Variants in IQGAP1 observed in about 807,000 individuals in gnomAD.
IQGAP1 encodes IQ motif containing GTPase activating protein 1.
A neutral mutation model predicts 215.6 loss-of-function variants in IQGAP1; 66 were observed. The ratio of observed to expected loss-of-function variants is 0.31; its 90% CI spans 0.25 to 0.38. The LOEUF (loss-of-function observed/expected upper bound fraction) is 0.38, where lower values mean the gene tolerates loss of function less well. Among genes scored for constraint, IQGAP1 ranks in the 10% least tolerant of loss-of-function variants. The probability of loss-of-function intolerance (pLI) is 1.00; values close to 1 mark genes in which losing one functional copy is unlikely to be tolerated. For missense variants in IQGAP1, 1,712 were observed against 1,997.1 expected (o/e 0.86, Z 2.72); for synonymous variants, 772 against 728.7 (o/e 1.06, Z -0.96).
intron 2 of IQGAP1, among the ~76,000 whole-genome samples, chr15:90,394,402 G>T (rs1333699465): frequency 1.3e-5 from 2 of 152,226 alleles, no homozygotes; most frequent in African/African-American, 4.8e-5. Context: ...GAGGACAAAG[G>T]AAAGAAGCCT....
At chr15:90,493,333 T>C (rs1966231529) in intron 35 of IQGAP1, among the ~76,000 whole-genome samples, 1 of 152,108 alleles carries the variant, frequency 6.6e-6, no homozygotes, top group African/African-American at 2.4e-5. Flanking sequence ...TTATACAAAT[T>C]TGGGTCCCCT....
At position 90,473,927 on chromosome 15, in the gene IQGAP1, G is replaced by A. The variant is rs199859960; in HGVS notation, c.2465G>A (p.Arg822Gln). The A allele has an allele frequency of 3.0e-5, 48 of 1,613,934 alleles. 1 individual carries two copies. Among genetic ancestry groups the A allele is most frequent in the Admixed American group, 5.0e-5 (3 of 59,992 alleles). The stretch of plus-strand genomic sequence containing the variant: ...TCCCTGGCAAGGATGCACCAAGCTC[G>A]AAAGCGCTATCGAGATCGCCTGCAG... ...IQSLARMHQA[R>Q]KRYRDRLQYF... The change falls in exon 21 of 38, where the codon CGA becomes CAA. Residue 822 changes from arginine (R) to glutamine (Q), a missense_variant. Physicochemically the swap from Arg to Gln is conservative, Grantham distance 43. Transcript: ENST00000268182.
rs1339327282 is a variant in IQGAP1, at chr15:90,433,749, G to A, written c.421G>A (p.Asp141Asn). 1 of 1,607,768 alleles carries A rather than the reference G, an allele frequency of 6.2e-7. No individual in the cohort carries two copies. The change falls in exon 5 of 38, where the codon GAT (aspartate) becomes AAT (asparagine). Residue 141 changes from aspartate to asparagine, a missense_variant. Coordinates refer to ENST00000268182, the MANE Select transcript of IQGAP1 (RefSeq NM_003870.4). The stretch of plus-strand genomic sequence containing the variant: ...TTACCCAGAAACTACAGATATCTAT[G>A]ATCGAAAGAACATGCCAAGATGTAT... ...IFYPETTDIY[D>N]RKNMPRCIYC... is the part of the protein sequence containing the mutation.
At chr15:90,428,051 G>GT (rs1007008516) in intron 3 of IQGAP1, among the ~76,000 whole-genome samples, 7 of 151,836 alleles carry the variant, frequency 4.6e-5, no homozygotes, top group Non-Finnish European at 7.4e-5. Flanking sequence ...TGTTCAGTGG[G>GT]TTTTTTTTGT....
intron 6 of IQGAP1, among the ~76,000 whole-genome samples, chr15:90,439,628 T>C (rs1965421099): frequency 6.6e-6 from 1 of 151,432 alleles, no homozygotes; most frequent in African/African-American, 2.5e-5. Flanking sequence ...GTCTCAGTTT[T>C]CTTATATGTA....
chr15:90,417,251 C>G (rs1462847871), intron 2 of IQGAP1, among the ~76,000 whole-genome samples: 1 of 152,180 alleles, frequency 6.6e-6, no homozygotes, highest in African/African-American at 2.4e-5. Flanking sequence ...GTTGCCATTG[C>G]TTTTGGTGTT....
intron 18 of IQGAP1, among the ~76,000 whole-genome samples, chr15:90,472,471 T>C (rs116010067): frequency 0.012 from 1,784 of 152,140 alleles, 36 homozygotes; most frequent in African/African-American, 0.04. Flanking sequence ...ATTCTAGGGG[T>C]CCCTCGGTAC....
intron 36 of IQGAP1, among the ~76,000 whole-genome samples, chr15:90,495,734 T>G (rs1168631482): frequency 6.7e-6 from 1 of 148,960 alleles, no homozygotes; most frequent in Non-Finnish European, 1.5e-5. Context: ...GCCTCCCAGG[T>G]TCAAGCAATT....
intron 15 of IQGAP1, among the ~76,000 whole-genome samples, chr15:90,458,728 T>A (rs898696800): frequency 6.6e-6 from 1 of 152,202 alleles, no homozygotes; most frequent in African/African-American, 2.4e-5. Context: ...GCCAACTACT[T>A]CTTATCCGAG....
At chr15:90,435,686 G>T (rs776514824) in intron 5 of IQGAP1, among the ~76,000 whole-genome samples, 2 of 152,148 alleles carry the variant, frequency 1.3e-5, no homozygotes, top group Non-Finnish European at 2.9e-5. Context: ...TGGGTTCCAG[G>T]CCCTCAAATT....
intron 4 of IQGAP1, 41 bp from the exon 5 acceptor site, chr15:90,433,678 G>T (rs1965332558): frequency 1.7e-6 from 2 of 1,187,126 alleles, no homozygotes; most frequent in Non-Finnish European, 2.5e-6. Flanking sequence ...GATGAACACA[G>T]TGAATGGATA....
chr15:90,474,350 C>T, intron 22 of IQGAP1, 135 bp from the exon 23 acceptor site: 1 of 808,032 alleles, frequency 1.2e-6, no homozygotes, highest in Non-Finnish European at 2.1e-6. Flanking sequence ...ACACAGAAGA[C>T]TGCACCTGAT....
At chr15:90,389,895 C>T (rs1307699831) in intron 1 of IQGAP1, among the ~76,000 whole-genome samples, 3 of 148,380 alleles carry the variant, frequency 2.0e-5, no homozygotes, top group Non-Finnish European at 4.4e-5. Context: ...GTCGAGGCTG[C>T]AGTAAGCCAT....
chr15:90,430,621 C>G (rs1567123833), intron 4 of IQGAP1, among the ~76,000 whole-genome samples: 2 of 152,006 alleles, frequency 1.3e-5, no homozygotes, highest in Admixed American at 6.6e-5. Context: ...AAGATCAGAT[C>G]ACTATTTTTG....
At chr15:90,453,353 T>C (rs1185323841) in intron 13 of IQGAP1, 61 bp downstream of exon 13, 40 of 1,308,032 alleles carry the variant, frequency 3.1e-5, no homozygotes, top group Non-Finnish European at 4.0e-5. Flanking sequence ...GTCTTTTGTA[T>C]GTCAGTGCTC....
chr15:90,426,027 A>T lies in IQGAP1; in HGVS notation c.156-83A>T, dbSNP rs1965216495. The T allele has an allele frequency of 3.8e-6, 5 of 1,332,554 alleles. No homozygotes were observed. In the East Asian group the frequency reaches 9.8e-5, roughly 26 times the overall value. 82.5% of individuals were successfully genotyped at this position (1,332,554 alleles called of 1,614,324 possible). ...ATGTTCAGTTTAAGCTTCTCCAAGG[A>T]GAATGGAAATAAAGCTTAAAATCTC... On this transcript the variant is annotated intron_variant, in intron 2 of 37. Transcript: ENST00000268182.
At position 90,448,622 on chromosome 15, in the gene IQGAP1, A is replaced by G. The variant is rs1965557183; in HGVS notation, c.963A>G (p.Ala321=). Reference sequence around the variant, plus strand: ...ACCTGGCTTTAGAACAAGGAGATGCACTGGCCTTGTTCAGGGCTCTGCAGT... The same window carrying G: ...ACCTGGCTTTAGAACAAGGAGATGCGCTGGCCTTGTTCAGGGCTCTGCAGT... ...NIDLALEQGD[A]LALFRALQSP... The change falls in exon 10 of 38, where the codon GCA becomes GCG. Residue 321 remains alanine, a synonymous_variant. Transcript: ENST00000268182. 2.5e-6 allele frequency: 4 copies of G among 1,608,068 alleles called. No individual in the cohort carries two copies. The highest frequency in any genetic ancestry group is 2.2e-5 in the East Asian group (1 of 44,508).
In IQGAP1 at chr15:90,388,275, G is replaced by T; in HGVS notation, c.-67G>T. 2 of 1,558,304 alleles carry T rather than the reference G, an allele frequency of 1.3e-6. No individual in the cohort carries two copies. The highest frequency in any genetic ancestry group is 8.7e-7 in the Non-Finnish European group (1 of 1,145,068). ...CAAGCCCGCGCACTTGGCAGGAGCT[G>T]TAGCTACCGCCGTCCGCGCCTCCAA... On this transcript the variant is annotated 5_prime_UTR_variant, in exon 1 of 38. Transcript: ENST00000268182.
intron 36 of IQGAP1, 90 bp downstream of exon 36, chr15:90,494,925 T>A: frequency 1.1e-6 from 1 of 901,126 alleles, no homozygotes; most frequent in Non-Finnish European, 1.7e-6. Context: ...CTTTTCTGGA[T>A]GGTTACTTTT....
Sources: allele counts gnomAD v4.1 joint callset (sites outside exome capture counted in the v4.1 genomes callset), GRCh38; gene constraint gnomAD v4.1.1; transcripts MANE v1.5; gene names NCBI Gene and HGNC (gene_info 2026-07-23, HGNC 2026-07-21).